IQSEC1: variants seen among roughly 807,000 people sequenced by gnomAD.
IQSEC1 encodes IQ motif and Sec7 domain ArfGEF 1.
In IQSEC1, 31 loss-of-function variants were observed where a neutral mutation model predicts 91.0. The observed-to-expected ratio is 0.34, with a 90% confidence interval of 0.26 to 0.46. The LOEUF is 0.46. IQSEC1 is among the 20% of genes least tolerant of loss of function. The pLI is 1.00. For missense variants in IQSEC1, 1,388 were observed against 1,575.6 expected (o/e 0.88, Z 2.02); for synonymous variants, 699 against 662.6 (o/e 1.05, Z -0.84).
rs565263466 is a variant in IQSEC1 at position 12,972,609 on chromosome 3, G to A, written c.24-30744C>T. Among the ~76,000 whole-genome samples the A allele has an allele frequency of 3.9e-5, 6 of 152,344 alleles. No homozygotes were observed. The East Asian group carries it at 5.8e-4, about 15-fold the overall frequency. On this transcript the variant is annotated intron_variant, in intron 1 of 13. Transcript: ENST00000613206. ...AATGAGCATTCCCCCATCACAGCCAGAATGCTGGGTCTGCGAGGGAGCTCT... is the reference window on the plus strand; with the variant it reads ...AATGAGCATTCCCCCATCACAGCCAAAATGCTGGGTCTGCGAGGGAGCTCT...
chr3:12,901,701 G>A (rs1054279489), intron 13 of IQSEC1, among the ~76,000 whole-genome samples, 179 bp from the exon 14 acceptor site: 5 of 151,968 alleles, frequency 3.3e-5, no homozygotes, highest in Non-Finnish European at 5.9e-5. Context: ...TCACTACAGT[G>A]CAGGGCAGCT....
In IQSEC1 at chr3:13,197,445, T is replaced by C. The variant is rs1253651903; in HGVS notation, c.273-33312A>G. ...GCTGGTGCCCGGCCCCATCCTGAAGTGTCCCAGCAGCCAACACTCATCACC... is the reference window on the plus strand; with the variant it reads ...GCTGGTGCCCGGCCCCATCCTGAAGCGTCCCAGCAGCCAACACTCATCACC... On this transcript the variant is annotated intron_variant, in intron 1 of 15. Transcript: ENST00000648114. 3.3e-5 allele frequency among the ~76,000 whole-genome samples: 5 copies of C among 152,194 alleles called. No homozygotes were observed. In the East Asian group the frequency reaches 7.8e-4, roughly 24 times the overall value.
Position 13,083,960 on chromosome 3 carries a change from C to A in IQSEC1, c.303-36438G>T, listed in dbSNP as rs528022246. ...TTTTCCAGTGAGAGAGCCTTCCCCC[C>A]ATCCCCTAGCCTTCCCCAGGGAGGT... On this transcript the variant is annotated intron_variant, in intron 2 of 15. Transcript: ENST00000648114. Among the ~76,000 whole-genome samples the A allele has an allele frequency of 2.0e-5, 3 of 152,366 alleles. No homozygotes were observed. The South Asian group carries it at 6.2e-4, about 32-fold the overall frequency.
At chr3:13,256,128 G>A (rs1182595143) in intron 1 of IQSEC1, among the ~76,000 whole-genome samples, 1 of 152,164 alleles carries the variant, frequency 6.6e-6, no homozygotes. Context: ...CGGGACTATT[G>A]AAGATAATAA....
chr3:13,205,017 C>T (rs894045231), intron 1 of IQSEC1, among the ~76,000 whole-genome samples: 1 of 151,926 alleles, frequency 6.6e-6, no homozygotes, highest in African/African-American at 2.4e-5. Context: ...AGGCTGGTCT[C>T]GAACTCCCGA....
At chr3:13,203,747 T>A (rs1241148133) in intron 1 of IQSEC1, among the ~76,000 whole-genome samples, 1 of 152,190 alleles carries the variant, frequency 6.6e-6, no homozygotes, top group Non-Finnish European at 1.5e-5. Flanking sequence ...TGGAAGAGAC[T>A]GACAGCCCCT....
In IQSEC1 at chr3:13,153,078, T is replaced by TCCCTCTCCCCTCCTTCTC. The variant is rs1446568927; in HGVS notation, c.302+11008_302+11025dup. ...CCCCTCCCCTATCTACTCCTTTCAC[T>TCCCTCTCCCCTCCTTCTC]CCCTCTCCCCTCCTTCTCCCCTCTC... On this transcript the variant is annotated intron_variant, in intron 2 of 15. Transcript: ENST00000648114. Among the ~76,000 whole-genome samples the TCCCTCTCCCCTCCTTCTC allele has an allele frequency of 3.2e-5, 4 of 124,258 alleles. No homozygotes were observed. In the Admixed American group the frequency reaches 3.7e-4, roughly 11 times the overall value. 81.5% of individuals were successfully genotyped at this position (124,258 alleles called of 152,430 possible).
At chr3:13,033,883 C>T (rs567983947) in intron 1 of IQSEC1, among the ~76,000 whole-genome samples, 4 of 152,330 alleles carry the variant, frequency 2.6e-5, no homozygotes, top group African/African-American at 9.6e-5. Flanking sequence ...CCCACAGACA[C>T]ACCCAGAGTA....
At position 12,899,288 on chromosome 3, in the gene IQSEC1, G is replaced by A. The variant is rs1024928590; in HGVS notation, c.*1695C>T. The A allele has an allele frequency of 1.5e-6, 2 of 1,319,642 alleles. No homozygotes were observed. Among genetic ancestry groups the A allele is most frequent in the Non-Finnish European group, 2.1e-6 (2 of 941,176 alleles). The allele number at this position is 1,319,642 out of a possible 1,614,324, so 81.7% of individuals were successfully genotyped here. A position where few individuals can be genotyped will look rare whatever the true frequency, so the allele number is the denominator to read the frequency against. On this transcript the variant is annotated 3_prime_UTR_variant, in exon 14 of 14. Coordinates refer to ENST00000613206, the MANE Select transcript of IQSEC1 (RefSeq NM_001134382.3). ...CACGGCTCACCACGCTGTCCACTGG[G>A]AACGCGGCCCCGCGGCCCGCAGAGT...
Position 12,967,489 on chromosome 3 carries a change from G to A in IQSEC1, c.24-25624C>T. ...GGGAGCGGGCCGGGCCGGGAGCCGG[G>A]ACCCAGGCCCAGCAGAGGCCGCCGA... On this transcript the variant is annotated intron_variant, in intron 1 of 13. Coordinates refer to ENST00000613206, the MANE Select transcript of IQSEC1 (RefSeq NM_001134382.3). The surrounding 1 kb of genome is among the most constrained non-coding windows in gnomAD (Gnocchi z 5.9). 1 of 1,492,716 alleles carries A rather than the reference G, an allele frequency of 6.7e-7. No homozygotes were observed. Among genetic ancestry groups the A allele is most frequent in the East Asian group, 2.8e-5 (1 of 36,066 alleles). 92.5% of individuals were successfully genotyped at this position (1,492,716 alleles called of 1,614,324 possible).
chr3:13,114,792 CAAAA>C (rs11462232), intron 2 of IQSEC1, among the ~76,000 whole-genome samples: 2 of 90,338 alleles, frequency 2.2e-5, no homozygotes. Flanking sequence ...GACATCGTCT[CAAAA>C]AAAAAAAAAA....
intron 1 of IQSEC1, among the ~76,000 whole-genome samples, chr3:13,007,351 G>A (rs1268988452): frequency 6.6e-6 from 1 of 152,226 alleles, no homozygotes; most frequent in African/African-American, 2.4e-5. Context: ...AACATCCAGA[G>A]AACTGAGTAG....
rs530657127 is a variant in IQSEC1, at chr3:12,952,661, T to TCCAGC, written c.24-10801_24-10797dup. Among the ~76,000 whole-genome samples, 257 of 152,234 alleles carry TCCAGC rather than the reference T, an allele frequency of 1.7e-3. 1 individual carries two copies. Among genetic ancestry groups the TCCAGC allele is most frequent in the African/African-American group, 5.4e-3 (223 of 41,542 alleles). ...ACCCTCCTCTGAACCCCCTGGCCAC[T>TCCAGC]CCAGCCCAGCCCCCTGGCCTCCTGG... On this transcript the variant is annotated intron_variant, in intron 1 of 13. Coordinates refer to ENST00000613206, the MANE Select transcript of IQSEC1 (RefSeq NM_001134382.3).
At chr3:13,143,526 G>T (rs1279193986) in intron 2 of IQSEC1, among the ~76,000 whole-genome samples, 1 of 152,182 alleles carries the variant, frequency 6.6e-6, no homozygotes, top group Non-Finnish European at 1.5e-5. Context: ...CCAAACAGGG[G>T]AGCAGCTCCA....
chr3:13,210,823 A>C (rs1323259722), intron 1 of IQSEC1, among the ~76,000 whole-genome samples: 1 of 152,198 alleles, frequency 6.6e-6, no homozygotes, highest in African/African-American at 2.4e-5. Flanking sequence ...GGAAGGAGGC[A>C]GGCCCTGAGG....
In IQSEC1 at chr3:12,908,367, G is replaced by C. The variant is rs560424556; in HGVS notation, c.2737C>G (p.Arg913Gly). 26 of 1,611,844 alleles carry C rather than the reference G, an allele frequency of 1.6e-5. No homozygotes were observed. Among genetic ancestry groups the C allele is most frequent in the Non-Finnish European group, 2.0e-5 (24 of 1,180,016 alleles). ...LKRSALSSSLRDLSEAGKRGR... is the reference protein window; with the variant it reads ...LKRSALSSSLGDLSEAGKRGR... ...CTCTTACCGGCTTCCGAGAGGTCCCGCAGGGAGCTGCTGAGGGCGCTGCGC... is the reference window on the plus strand; with the variant it reads ...CTCTTACCGGCTTCCGAGAGGTCCCCCAGGGAGCTGCTGAGGGCGCTGCGC... The change falls in exon 12 of 14, where the codon CGG (arginine) becomes GGG (glycine). Residue 913 changes from arginine to glycine, a missense_variant. This residue lies in a region of IQSEC1 where 1,059 missense variants were observed against 1,317.8 expected (regional missense o/e 0.80). Transcript: ENST00000613206. This position sits in a 1 kb window ranked among gnomAD's most constrained non-coding sequence, Gnocchi z 4.9.
intron 1 of IQSEC1, among the ~76,000 whole-genome samples, chr3:13,246,128 T>A (rs1017051646): frequency 2.0e-5 from 3 of 152,334 alleles, no homozygotes; most frequent in African/African-American, 7.2e-5. Flanking sequence ...CATCAATGGA[T>A]GAATATACAA....
intron 1 of IQSEC1, among the ~76,000 whole-genome samples, chr3:13,256,730 A>C (rs1447129852): frequency 7.9e-5 from 12 of 152,232 alleles, no homozygotes; most frequent in Non-Finnish European, 1.6e-4. Flanking sequence ...TAGAAAGTGG[A>C]CCACAGACAG....
chr3:13,049,138 C>T (rs1218893536), intron 1 of IQSEC1, among the ~76,000 whole-genome samples: 1 of 152,282 alleles, frequency 6.6e-6, no homozygotes, highest in East Asian at 1.9e-4. Flanking sequence ...CCACACTGGG[C>T]ATGGTGAGGA....
Sources: gnomAD v4.1 joint callset for allele counts (sites outside exome capture counted in the v4.1 genomes callset) on GRCh38, gnomAD v4.1.1 for gene constraint, gnomAD v4.1.1 regional missense constraint, Gnocchi (gnomAD v3.1) non-coding constraint, MANE v1.5 for transcripts, NCBI Gene and HGNC (gene_info 2026-07-23, HGNC 2026-07-21) for gene names.